Variants in GLS observed in about 807,000 individuals in gnomAD.
GLS encodes glutaminase.
Under a neutral mutation model 86.7 loss-of-function variants are expected in GLS, and 36 were observed. The ratio of observed to expected loss-of-function variants is 0.42; its 90% CI spans 0.32 to 0.55. The LOEUF is 0.55. Ranked by LOEUF, GLS falls within the 20% of genes least tolerant of loss-of-function variation. The pLI is 0.17. For missense variants in GLS, 528 were observed against 833.4 expected (o/e 0.63, Z 4.51); for synonymous variants, 317 against 305.9 (o/e 1.04, Z -0.38).
chr2:190,952,133 T>G (rs1218183212), intron 14 of GLS, among the ~76,000 whole-genome samples: 1 of 152,102 alleles, frequency 6.6e-6, no homozygotes, highest in Non-Finnish European at 1.5e-5. Flanking sequence ...GGGAGAGATG[T>G]TTATGTATGT....
rs539179569 is a variant in GLS, at chr2:190,921,368, C to T, written c.1130+165C>T. 1.6e-3 allele frequency among the ~76,000 whole-genome samples: 244 copies of T among 152,020 alleles called. No homozygotes were observed. Among genetic ancestry groups the T allele is most frequent in the Middle Eastern group, 3.4e-3 (1 of 294 alleles). On this transcript the variant is annotated intron_variant, in intron 9 of 17. Transcript: ENST00000320717. This position sits in a 1 kb window ranked among gnomAD's most constrained non-coding sequence, Gnocchi z 4.2. ...GACAAATTTCTTACAGGTAATCATA[C>T]AATCAGAAGAGACCCCAAGTTTATC...
In GLS at chr2:190,881,834, C is replaced by G. The variant is rs144644235; in HGVS notation, c.386+364C>G. ...CGGCTGCAGCGCCTGGCCGCCCGCC[C>G]CAGCCATTCGTGGGCGATGCTGCAC... On this transcript the variant is annotated intron_variant, in intron 1 of 17. Coordinates refer to ENST00000320717, the MANE Select transcript of GLS (RefSeq NM_014905.5). 551 of 202,752 alleles carry G rather than the reference C, an allele frequency of 2.7e-3. 6 individuals are homozygous for G. Among genetic ancestry groups the G allele is most frequent in the African/African-American group, 0.012 (520 of 43,180 alleles). 12.6% of individuals were successfully genotyped at this position (202,752 alleles called of 1,614,324 possible).
Position 190,958,254 on chromosome 2 carries a change from T to G in GLS, c.1853+3436T>G, listed in dbSNP as rs1279193479. Among the ~76,000 whole-genome samples the G allele has an allele frequency of 3.9e-5, 6 of 152,314 alleles. No homozygotes were observed. The East Asian group carries it at 1.2e-3, about 29-fold the overall frequency. On this transcript the variant is annotated intron_variant, in intron 17 of 17. Coordinates refer to ENST00000320717, the MANE Select transcript of GLS (RefSeq NM_014905.5). ...GTTTATAGTATTCTCTGATGGTAGTTTGTATTTCTGTGGGATCAGTGGTGA... is the reference window on the plus strand; with the variant it reads ...GTTTATAGTATTCTCTGATGGTAGTGTGTATTTCTGTGGGATCAGTGGTGA...
chr2:190,910,579 T>TAA (rs1006143908), intron 7 of GLS, among the ~76,000 whole-genome samples: 7 of 151,562 alleles, frequency 4.6e-5, no homozygotes, highest in Non-Finnish European at 1.0e-4. Context: ...GGAAAATATT[T>TAA]AAAGTCTGCT....
rs755842472 is a variant in GLS at position 190,953,723 on chromosome 2, TC to T, written c.1712+100del. The T allele has an allele frequency of 2.9e-4, 242 of 849,008 alleles. 1 individual carries two copies. Among genetic ancestry groups the T allele is most frequent in the Middle Eastern group, 2.7e-3 (12 of 4,370 alleles). The allele number at this position is 849,008 out of a possible 1,614,324, so 52.6% of individuals were successfully genotyped here. On this transcript the variant is annotated intron_variant, in intron 15 of 17. Transcript: ENST00000320717. The surrounding 1 kb of genome is among the most constrained non-coding windows in gnomAD (Gnocchi z 4.0). ...TTAAGGTTAAAGTCTCACTTTTCTT[TC>T]CCTTTGATAAAAATGACCCCAACAA...
intron 7 of GLS, among the ~76,000 whole-genome samples, chr2:190,918,025 T>C (rs946318546): frequency 6.6e-6 from 1 of 152,184 alleles, no homozygotes. Context: ...AGGCTTGTTA[T>C]AAGCCCAGGC....
At chr2:190,893,943 A>G (rs1294777213) in intron 1 of GLS, among the ~76,000 whole-genome samples, 9 of 152,314 alleles carry the variant, frequency 5.9e-5, no homozygotes, top group Non-Finnish European at 1.2e-4. Context: ...ATAATTATGT[A>G]TCAGGATATG....
At chr2:190,901,757 A>G (rs1190335069) in intron 4 of GLS, among the ~76,000 whole-genome samples, 190 bp from the exon 5 acceptor site, 1 of 152,156 alleles carries the variant, frequency 6.6e-6, no homozygotes, top group Non-Finnish European at 1.5e-5. Context: ...TAGATCTCAT[A>G]ATTCTCAAGT....
chr2:190,960,393 T>C (rs1470423289), intron 17 of GLS, among the ~76,000 whole-genome samples: 1 of 145,098 alleles, frequency 6.9e-6, no homozygotes, highest in Non-Finnish European at 1.5e-5. Flanking sequence ...AGACTGGGTC[T>C]TGCCTTGCCA....
rs1232221443 is a variant in GLS at position 190,949,875 on chromosome 2, GC to G, written c.1651-3687del. ...GGGAACAGAAAGACAAGTGGTCTCT[GC>G]CCACATGGAGCCTATATTTAATGAG... On this transcript the variant is annotated intron_variant, in intron 14 of 17. Transcript: ENST00000320717. The surrounding 1 kb of genome is among the most constrained non-coding windows in gnomAD (Gnocchi z 4.0). Among the ~76,000 whole-genome samples the G allele has an allele frequency of 1.3e-5, 2 of 151,546 alleles. No homozygotes were observed. Among genetic ancestry groups the G allele is most frequent in the Middle Eastern group, 3.2e-3 (1 of 314 alleles).
Position 190,923,906 on chromosome 2 carries a change from T to C in GLS, c.1131-11T>C. 6 of 1,530,882 alleles carry C rather than the reference T, an allele frequency of 3.9e-6. No homozygotes were observed. Among genetic ancestry groups the C allele is most frequent in the Non-Finnish European group, 5.4e-6 (6 of 1,113,196 alleles). 94.8% of individuals were successfully genotyped at this position (1,530,882 alleles called of 1,614,324 possible). A position where few individuals can be genotyped will look rare whatever the true frequency, so the allele number is the denominator to read the frequency against. ...AGTACATAGAGCAAATGTTTTTTTT[T>C]CTTCTTCCAGGTTTCAGTCTGAAAG... is the stretch of plus-strand genomic sequence containing the variant. On this transcript the variant is annotated splice_polypyrimidine_tract_variant and intron_variant, in intron 9 of 17. Coordinates refer to ENST00000320717, the MANE Select transcript of GLS (RefSeq NM_014905.5).
chr2:190,961,689 G>GTTTTTTTTT (rs11386437), intron 17 of GLS, among the ~76,000 whole-genome samples: 5 of 135,884 alleles, frequency 3.7e-5, no homozygotes, highest in African/African-American at 8.2e-5. Flanking sequence ...TAATTCAGCT[G>GTTTTTTTTT]TTTTTTTTTT....
chr2:190,930,638 C>T lies in GLS; in HGVS notation c.1557+70C>T. ...CCATCCAATGATTCTTTTTTTTAAC[C>T]CATTTTCCATAGTTCATTAACTCTT... On this transcript the variant is annotated intron_variant, in intron 13 of 17. Transcript: ENST00000320717. This position sits in a 1 kb window ranked among gnomAD's most constrained non-coding sequence, Gnocchi z 5.0. 7.0e-7 allele frequency: 1 copy of T among 1,429,696 alleles called. No individual in the cohort carries two copies. Among genetic ancestry groups the T allele is most frequent in the Non-Finnish European group, 9.6e-7 (1 of 1,037,310 alleles). The allele number at this position is 1,429,696 out of a possible 1,614,324, so 88.6% of individuals were successfully genotyped here. A position where few individuals can be genotyped will look rare whatever the true frequency, so the allele number is the denominator to read the frequency against.
rs958286228 is a variant in GLS at position 190,914,809 on chromosome 2, CAG to C, written c.1038+4489_1038+4490del. On this transcript the variant is annotated intron_variant, in intron 7 of 17. Transcript: ENST00000320717. The surrounding 1 kb of genome is among the most constrained non-coding windows in gnomAD (Gnocchi z 4.4). The stretch of plus-strand genomic sequence containing the variant: ...ATTTATTGGCAGATGTCCTTGTTAA[CAG>C]TGTTTTTCACCTGTTATAAAGTATA... 3.9e-5 allele frequency among the ~76,000 whole-genome samples: 6 copies of C among 152,034 alleles called. No individual in the cohort carries two copies. Among genetic ancestry groups the C allele is most frequent in the Admixed American group, 3.3e-4 (5 of 15,260 alleles).
chr2:190,915,547 A>G (rs1019246073), intron 7 of GLS, among the ~76,000 whole-genome samples: 4 of 152,208 alleles, frequency 2.6e-5, no homozygotes, highest in Non-Finnish European at 5.9e-5. Context: ...ATATCTTTGG[A>G]TTCCATACTT....
chr2:190,910,466 G>A (rs190208694), intron 7 of GLS, 145 bp downstream of exon 7: 1 of 500,940 alleles, frequency 2.0e-6, no homozygotes, highest in Non-Finnish European at 3.6e-6. Context: ...TATAGTGTTA[G>A]GATCTTTATT....
Position 190,920,375 on chromosome 2 carries a change from G to C in GLS, c.1039-649G>C, listed in dbSNP as rs928663575. The C allele has an allele frequency of 6.6e-6, 1 of 151,762 alleles. No individual in the cohort carries two copies. The highest frequency in any genetic ancestry group is 1.5e-5 in the Non-Finnish European group (1 of 67,762). The allele number at this position is 151,762 out of a possible 1,614,324, so 9.4% of individuals were successfully genotyped here. A position where few individuals can be genotyped will look rare whatever the true frequency, so the allele number is the denominator to read the frequency against. On this transcript the variant is annotated intron_variant, in intron 7 of 17. Coordinates refer to ENST00000320717, the MANE Select transcript of GLS (RefSeq NM_014905.5). This position sits in a 1 kb window ranked among gnomAD's most constrained non-coding sequence, Gnocchi z 4.2. ...CAATACATCTTCCATATTCTGAATT[G>C]GCATAATGCTAAATACAACAGAAGC... is the stretch of plus-strand genomic sequence containing the variant.
In GLS at chr2:190,905,616, T is replaced by G. The variant is rs1177549075; in HGVS notation, c.979+449T>G. 6.6e-6 allele frequency among the ~76,000 whole-genome samples: 1 copy of G among 152,078 alleles called. No individual in the cohort carries two copies. Among genetic ancestry groups the G allele is most frequent in the Non-Finnish European group, 1.5e-5 (1 of 67,940 alleles). ...TGGTTGAGATAGTGAGGATTATTAT[T>G]TTTCAGTGAGTGTTTTTACTTTTTA... On this transcript the variant is annotated intron_variant, in intron 6 of 17. Coordinates refer to ENST00000320717, the MANE Select transcript of GLS (RefSeq NM_014905.5). This position sits in a 1 kb window ranked among gnomAD's most constrained non-coding sequence, Gnocchi z 4.6.
At chr2:190,902,604 G>T (rs1248342095) in intron 5 of GLS, among the ~76,000 whole-genome samples, 2 of 152,244 alleles carry the variant, frequency 1.3e-5, no homozygotes, top group East Asian at 1.9e-4. Context: ...TGATGTGAGG[G>T]CGCTTTAGAA....
Sources: allele counts gnomAD v4.1 joint callset (sites outside exome capture counted in the v4.1 genomes callset), GRCh38; gene constraint gnomAD v4.1.1; non-coding constraint Gnocchi (gnomAD v3.1); transcripts MANE v1.5; gene names NCBI Gene and HGNC (gene_info 2026-07-23, HGNC 2026-07-21).